MAN1A1: variants seen among roughly 807,000 people sequenced by gnomAD.
MAN1A1 encodes the protein mannosyl-oligosaccharide 1,2-alpha-mannosidase IA.
A neutral mutation model predicts 70.8 loss-of-function variants in MAN1A1; 29 were observed. The ratio of observed to expected loss-of-function variants is 0.41; its 90% CI spans 0.31 to 0.56. The LOEUF is 0.56. Ranked by LOEUF, MAN1A1 falls within the 20% of genes least tolerant of loss-of-function variation. The pLI is 0.29. For missense variants in MAN1A1, 747 were observed against 841.3 expected (o/e 0.89, Z 1.39); for synonymous variants, 349 against 330.1 (o/e 1.06, Z -0.62).
At chr6:119,302,387 T>TC (rs113634081) in intron 3 of MAN1A1, among the ~76,000 whole-genome samples, 21 of 144,772 alleles carry the variant, frequency 1.5e-4, no homozygotes, top group South Asian at 8.8e-4. Context: ...ATTCTCTCTC[T>TC]TTTTTTTTTT....
At chr6:119,341,207 C>A (rs561415553) in intron 2 of MAN1A1, among the ~76,000 whole-genome samples, 1 of 151,928 alleles carries the variant, frequency 6.6e-6, no homozygotes, top group Non-Finnish European at 1.5e-5. Flanking sequence ...TCAGTGGGGG[C>A]GGGGCACTGC....
At position 119,348,805 on chromosome 6, in the gene MAN1A1, C is replaced by T. The variant is rs769733709; in HGVS notation, c.261G>A (p.Lys87=). Residue 87 remains lysine, a synonymous_variant, in exon 2 of 13, where the codon AAG becomes AAA. Coordinates refer to ENST00000368468, the MANE Select transcript of MAN1A1 (RefSeq NM_005907.4). ...SPALQPAADH[K]PGPGARAEDA... ...CCTCGGCGCGCGCCCCGGGCCCGGG[C>T]TTGTGGTCGGCGGCCGGCTGCAAGG... 4.1e-6 allele frequency: 6 copies of T among 1,446,626 alleles called. No homozygotes were observed. The highest frequency in any genetic ancestry group is 2.9e-5 in the East Asian group (1 of 33,920). The allele number at this position is 1,446,626 out of a possible 1,614,324, so 89.6% of individuals were successfully genotyped here. A position where few individuals can be genotyped will look rare whatever the true frequency, so the allele number is the denominator to read the frequency against.
At chr6:119,346,231 G>A (rs1334126365) in intron 2 of MAN1A1, among the ~76,000 whole-genome samples, 1 of 152,182 alleles carries the variant, frequency 6.6e-6, no homozygotes, top group South Asian at 2.1e-4. Flanking sequence ...AAAGTCCAGT[G>A]CCCTATTTAC....
intron 2 of MAN1A1, among the ~76,000 whole-genome samples, chr6:119,345,660 T>C (rs1773708751): frequency 6.6e-6 from 1 of 152,228 alleles, no homozygotes; most frequent in African/African-American, 2.4e-5. Flanking sequence ...AAAAATAGTA[T>C]TGACTGACTT....
At chr6:119,266,022 A>G (rs1775743443) in intron 5 of MAN1A1, among the ~76,000 whole-genome samples, 1 of 152,182 alleles carries the variant, frequency 6.6e-6, no homozygotes, top group African/African-American at 2.4e-5. Context: ...GTGAGCACAC[A>G]CCTAAAAAAT....
chr6:119,227,874 ACT>A (rs1163954599), intron 6 of MAN1A1, among the ~76,000 whole-genome samples: 1 of 152,200 alleles, frequency 6.6e-6, no homozygotes, highest in African/African-American at 2.4e-5. Context: ...GAAAAAAGAA[ACT>A]GTTTTATAAA....
rs772571805 is a variant in MAN1A1 at position 119,349,009 on chromosome 6, G to A, written c.57C>T (p.Gly19=). Reference sequence around the variant, plus strand: ...TGCCACCGCCGCCGCCGAGCCCCCCGCCCAGGACGCCGCCCGCGGGGCTGC... The same window carrying A: ...TGCCACCGCCGCCGCCGAGCCCCCCACCCAGGACGCCGCCCGCGGGGCTGC... ...LFSSPAGGVL[G]GGLGGGGGRK... The change falls in exon 2 of 13, where the codon GGC becomes GGT. Residue 19 remains glycine, a synonymous_variant. Transcript: ENST00000368468. 4.3e-6 allele frequency: 6 copies of A among 1,384,998 alleles called. No homozygotes were observed. The highest frequency in any genetic ancestry group is 4.7e-6 in the Non-Finnish European group (5 of 1,065,606). The allele number at this position is 1,384,998 out of a possible 1,614,324, so 85.8% of individuals were successfully genotyped here. A position where few individuals can be genotyped will look rare whatever the true frequency, so the allele number is the denominator to read the frequency against.
intron 2 of MAN1A1, chr6:119,331,811 C>T (rs1773323793): frequency 3.6e-6 from 1 of 276,654 alleles, no homozygotes; most frequent in Non-Finnish European, 7.3e-6. Flanking sequence ...GGAGTGACTG[C>T]AACAGGAGTC....
rs1427096351 is a variant in MAN1A1 at position 119,348,963 on chromosome 6, C to T, written c.103G>A (p.Ala35Thr). Residue 35 changes from alanine to threonine, a missense_variant, in exon 2 of 13, where the codon GCC becomes ACC. Coordinates refer to ENST00000368468, the MANE Select transcript of MAN1A1 (RefSeq NM_005907.4). ...ACGAACTTCTCCGTCAGGCGGAGGG[C>T]GGCGGGGCCCGACCCCTTCCTGCCA... ...GGGRKGSGPA[A>T]LRLTEKFVLL... The T allele has an allele frequency of 1.2e-5, 18 of 1,518,814 alleles. No individual in the cohort carries two copies. The highest frequency in any genetic ancestry group is 1.2e-5 in the South Asian group (1 of 80,008). 94.1% of individuals were successfully genotyped at this position (1,518,814 alleles called of 1,614,324 possible). A position where few individuals can be genotyped will look rare whatever the true frequency, so the allele number is the denominator to read the frequency against.
chr6:119,303,209 T>C (rs1772441998), intron 3 of MAN1A1, among the ~76,000 whole-genome samples: 1 of 152,058 alleles, frequency 6.6e-6, no homozygotes, highest in Admixed American at 6.6e-5. Flanking sequence ...TTTGTACAGA[T>C]GAGTCTTGCT....
intron 6 of MAN1A1, among the ~76,000 whole-genome samples, chr6:119,224,654 G>C (rs1005956173): frequency 6.6e-6 from 1 of 152,106 alleles, no homozygotes; most frequent in African/African-American, 2.4e-5. Flanking sequence ...TAAAGAAATA[G>C]GAAAACGTGA....
rs372563943 is a variant in MAN1A1, at chr6:119,193,915, T to A, written c.1211-23A>T. On this transcript the variant is annotated intron_variant, in intron 8 of 12. Transcript: ENST00000368468. ...GATCTGGAAAGAGAGGGAAATGAAT[T>A]TTAGAGTGATTCAGCTTTTAATTCA... The A allele has an allele frequency of 2.3e-5, 34 of 1,466,962 alleles. No individual in the cohort carries two copies. The African/African-American group carries it at 3.5e-4, about 15-fold the overall frequency. The allele number at this position is 1,466,962 out of a possible 1,614,324, so 90.9% of individuals were successfully genotyped here.
chr6:119,329,545 G>A (rs1773247761), intron 2 of MAN1A1, among the ~76,000 whole-genome samples: 1 of 151,906 alleles, frequency 6.6e-6, no homozygotes, highest in East Asian at 1.9e-4. Flanking sequence ...AAAGCACTTG[G>A]GAACATGTGT....
intron 4 of MAN1A1, among the ~76,000 whole-genome samples, chr6:119,300,807 A>G (rs531831897): frequency 1.3e-5 from 2 of 152,324 alleles, no homozygotes; most frequent in African/African-American, 4.8e-5. Flanking sequence ...TCTAGATTCA[A>G]TTATTAGGCA....
At chr6:119,212,157 T>A (rs997529410) in intron 6 of MAN1A1, among the ~76,000 whole-genome samples, 2 of 151,620 alleles carry the variant, frequency 1.3e-5, no homozygotes, top group East Asian at 3.8e-4. Context: ...GGTTTTTTTT[T>A]TTTGGTATAC....
chr6:119,255,733 G>C (rs1775439647), intron 5 of MAN1A1, among the ~76,000 whole-genome samples: 1 of 152,180 alleles, frequency 6.6e-6, no homozygotes, highest in African/African-American at 2.4e-5. Flanking sequence ...CCAGCTTCCT[G>C]TCATCTCAGA....
At chr6:119,234,287 T>A (rs1215138880) in intron 6 of MAN1A1, among the ~76,000 whole-genome samples, 1 of 152,246 alleles carries the variant, frequency 6.6e-6, no homozygotes, top group East Asian at 1.9e-4. Context: ...TGCATTTAAC[T>A]TAAAAATTGA....
Position 119,212,148 on chromosome 6 carries a change from GT to G in MAN1A1, c.993-7267del, listed in dbSNP as rs11395008. On this transcript the variant is annotated intron_variant, in intron 6 of 12. Transcript: ENST00000368468. ...AGCCACTGTGCCCGGCCAATAGTAG[GT>G]TTTTTTTTTTTGGTATACTTTTTAA... Among the ~76,000 whole-genome samples the G allele has an allele frequency of 6.1e-4, 89 of 145,136 alleles. 1 individual carries two copies. Among genetic ancestry groups the G allele is most frequent in the African/African-American group, 1.6e-3 (65 of 39,530 alleles).
At chr6:119,234,214 T>C (rs1042460701) in intron 6 of MAN1A1, among the ~76,000 whole-genome samples, 5 of 152,162 alleles carry the variant, frequency 3.3e-5, no homozygotes, top group Admixed American at 2.0e-4. Context: ...TAAGAAAAGA[T>C]TACTTGGAAA....
Sources: gnomAD v4.1 joint callset for allele counts (sites outside exome capture counted in the v4.1 genomes callset) on GRCh38, gnomAD v4.1.1 for gene constraint, MANE v1.5 for transcripts, NCBI Gene and HGNC (gene_info 2026-07-23, HGNC 2026-07-21) for gene names.